The following PROX1 variants were observed in gnomAD, a reference collection of about 807,000 sequenced individuals.
The protein encoded by PROX1 is prospero homeobox protein 1.
A neutral mutation model predicts 58.8 loss-of-function variants in PROX1; 7 were observed. That is an observed-to-expected ratio of 0.12 (90% CI 0.07 to 0.22). PROX1 has a LOEUF of 0.22. Ranked by LOEUF, PROX1 falls within the 10% of genes least tolerant of loss-of-function variation. The pLI, the probability that PROX1 is intolerant of heterozygous loss-of-function variation, is 1.00. For synonymous variants in PROX1, 350 were observed against 358.3 expected (o/e 0.98, Z 0.26); for missense variants, 675 against 927.8 (o/e 0.73, Z 3.54).
rs972563331 is a variant in PROX1, at chr1:214,037,585, G to C, written c.*1751G>C. The C allele has an allele frequency of 6.6e-6, 1 of 152,158 alleles. No individual in the cohort carries two copies. The highest frequency in any genetic ancestry group is 2.4e-5 in the African/African-American group (1 of 41,432). 9.4% of individuals were successfully genotyped at this position (152,158 alleles called of 1,614,324 possible). A position where few individuals can be genotyped will look rare whatever the true frequency, so the allele number is the denominator to read the frequency against. ...TGCTGACTTTAAATTAAATGGTGCA[G>C]TCCTATGATGCCCTGCACCATCCAG... On this transcript the variant is annotated 3_prime_UTR_variant, in exon 5 of 5. Transcript: ENST00000366958.
At chr1:214,033,278 C>A (rs1224156075) in intron 4 of PROX1, among the ~76,000 whole-genome samples, 1 of 152,144 alleles carries the variant, frequency 6.6e-6, no homozygotes, top group African/African-American at 2.4e-5. Context: ...ATGAAACCAC[C>A]CTTCTTGAAA....
At chr1:214,004,080 G>A (rs6665764) in intron 2 of PROX1, among the ~76,000 whole-genome samples, 41,815 of 151,940 alleles carry the variant, frequency 0.28, 5,919 homozygotes, top group Admixed American at 0.39. Context: ...TCTAGGAAGG[G>A]CCCTTAATTG....
rs779391428 is a variant in PROX1, at chr1:213,997,510, G to T, written c.975G>T (p.Pro325=). 95 of 1,613,944 alleles carry T rather than the reference G, an allele frequency of 5.9e-5. No individual in the cohort carries two copies. The highest frequency in any genetic ancestry group is 7.3e-5 in the Non-Finnish European group (86 of 1,180,000). Residue 325 remains proline (P), a synonymous_variant, in exon 2 of 5, where the codon CCG becomes CCT. Coordinates refer to ENST00000366958, the MANE Select transcript of PROX1 (RefSeq NM_001270616.2). This position sits in a 1 kb window ranked among gnomAD's most constrained non-coding sequence, Gnocchi z 7.1. ...AGCAGGAAATGGCTGAAAACAAGCC[G>T]AAGCGAGAAGGCAACAACAAAGAAA... is the stretch of plus-strand genomic sequence containing the variant. The part of the protein sequence containing the change: ...IREQEMAENK[P]KREGNNKERD...
At chr1:214,026,605 A>G (rs1361934258) in intron 4 of PROX1, among the ~76,000 whole-genome samples, 1 of 152,246 alleles carries the variant, frequency 6.6e-6, no homozygotes, top group Non-Finnish European at 1.5e-5. Flanking sequence ...TGATAATTAT[A>G]TAATATTTTA....
At chr1:214,001,249 G>A (rs868708963) in intron 2 of PROX1, among the ~76,000 whole-genome samples, 1 of 152,156 alleles carries the variant, frequency 6.6e-6, no homozygotes, top group Non-Finnish European at 1.5e-5. Context: ...CCATCTAGTA[G>A]AAGGGAAATA....
intron 4 of PROX1, among the ~76,000 whole-genome samples, chr1:214,012,137 A>C (rs1402211780): frequency 6.6e-6 from 1 of 152,196 alleles, no homozygotes; most frequent in Non-Finnish European, 1.5e-5. Context: ...TATTTTCTTA[A>C]AAAGTCTAGA....
intron 4 of PROX1, among the ~76,000 whole-genome samples, chr1:214,025,989 C>T (rs1348283897): frequency 6.6e-6 from 1 of 152,166 alleles, no homozygotes; most frequent in Admixed American, 6.6e-5. Context: ...ATGGAATAGT[C>T]TTGGTCCAGC....
At chr1:214,004,120 C>T (rs533942778) in intron 2 of PROX1, among the ~76,000 whole-genome samples, 50 of 152,310 alleles carry the variant, frequency 3.3e-4, no homozygotes, top group Middle Eastern at 3.4e-3. Flanking sequence ...TGATTTTCTC[C>T]ACGTGCATCT....
chr1:214,024,025 C>T lies in PROX1; in HGVS notation c.2029-11624C>T, dbSNP rs182788168. ...TTTATCATTTTCAGTGACCTGAAGG[C>T]GTACAAGATAATCTGTGTAGATACC... On this transcript the variant is annotated intron_variant, in intron 4 of 4. Transcript: ENST00000366958. 4.6e-5 allele frequency among the ~76,000 whole-genome samples: 7 copies of T among 152,206 alleles called. No homozygotes were observed. In the East Asian group the frequency reaches 5.8e-4, roughly 13 times the overall value.
Position 214,037,928 on chromosome 1 carries a change from A to G in PROX1, c.*2094A>G, listed in dbSNP as rs1321639902. ...CAGTCCTTGTTCGTGTCAGTGTGCC[A>G]CTGGGTTTTTGCTGTTCCGTGTAAT... On this transcript the variant is annotated 3_prime_UTR_variant, in exon 5 of 5. Transcript: ENST00000366958. 6.6e-6 allele frequency: 1 copy of G among 152,216 alleles called. No homozygotes were observed. The highest frequency in any genetic ancestry group is 1.5e-5 in the Non-Finnish European group (1 of 68,042). 9.4% of individuals were successfully genotyped at this position (152,216 alleles called of 1,614,324 possible). A position where few individuals can be genotyped will look rare whatever the true frequency, so the allele number is the denominator to read the frequency against.
rs981135032 is a variant in PROX1 at position 213,996,527 on chromosome 1, C to A, written c.-9C>A. On this transcript the variant is annotated 5_prime_UTR_variant, in exon 2 of 5. Coordinates refer to ENST00000366958, the MANE Select transcript of PROX1 (RefSeq NM_001270616.2). ...GAGCTTTTGAAGATGGCACAATAAC[C>A]GTCCAGTGATGCCTGACCATGACAG... The A allele has an allele frequency of 3.1e-6, 5 of 1,604,028 alleles. No homozygotes were observed. The highest frequency in any genetic ancestry group is 4.3e-6 in the Non-Finnish European group (5 of 1,173,478).
intron 4 of PROX1, among the ~76,000 whole-genome samples, chr1:214,024,045 G>T (rs116126105): frequency 0.015 from 2,261 of 152,220 alleles, 23 homozygotes; most frequent in Non-Finnish European, 0.019. Flanking sequence ...AATCTGTGTA[G>T]ATACCTGAAA....
At chr1:214,014,163 T>C (rs918208422) in intron 4 of PROX1, among the ~76,000 whole-genome samples, 1 of 152,226 alleles carries the variant, frequency 6.6e-6, no homozygotes, top group Non-Finnish European at 1.5e-5. Flanking sequence ...GTTCTTATCG[T>C]GGTAGCTTTG....
At chr1:213,992,248 C>T (rs1171933920) in intron 1 of PROX1, among the ~76,000 whole-genome samples, 2 of 152,090 alleles carry the variant, frequency 1.3e-5, no homozygotes, top group Non-Finnish European at 2.9e-5. Context: ...TATATTATGA[C>T]AGGAAATTTA....
intron 3 of PROX1, among the ~76,000 whole-genome samples, chr1:214,006,999 C>G (rs903324779): frequency 6.6e-6 from 1 of 152,170 alleles, no homozygotes; most frequent in Non-Finnish European, 1.5e-5. Flanking sequence ...CATTCTGAGC[C>G]AACACTACCC....
chr1:213,989,618 A>C (rs1172415982), intron 1 of PROX1: 1 of 152,128 alleles, frequency 6.6e-6, no homozygotes, highest in African/African-American at 2.4e-5. Flanking sequence ...AAGAGCTGCT[A>C]TCTTGCCTGA....
chr1:213,992,699 A>G (rs1467531734), intron 1 of PROX1, among the ~76,000 whole-genome samples: 2 of 151,940 alleles, frequency 1.3e-5, no homozygotes, highest in Non-Finnish European at 2.9e-5. Flanking sequence ...CCAACCTTAC[A>G]CTCTCCCTGC....
chr1:213,993,833 A>T (rs1663125885), intron 1 of PROX1, among the ~76,000 whole-genome samples: 1 of 152,182 alleles, frequency 6.6e-6, no homozygotes, highest in Non-Finnish European at 1.5e-5. Context: ...GACATTTTAC[A>T]ACAAGACCTA....
chr1:214,010,720 A>G (rs545734433), intron 3 of PROX1, among the ~76,000 whole-genome samples: 2 of 152,340 alleles, frequency 1.3e-5, no homozygotes, highest in East Asian at 3.9e-4. Flanking sequence ...TGGTAAACAA[A>G]GTTTTAAGGC....
Sources: gnomAD v4.1 joint callset for allele counts (sites outside exome capture counted in the v4.1 genomes callset) on GRCh38, gnomAD v4.1.1 for gene constraint, Gnocchi (gnomAD v3.1) non-coding constraint, MANE v1.5 for transcripts, NCBI Gene and HGNC (gene_info 2026-07-23, HGNC 2026-07-21) for gene names.